CYFIP2: variants seen among roughly 807,000 people sequenced by gnomAD.
CYFIP2 encodes the protein cytoplasmic FMR1 interacting protein 2, also known as cytoplasmic FMR1-interacting protein 2.
In CYFIP2, 29 loss-of-function variants were observed where a neutral mutation model predicts 158.7. The ratio of observed to expected loss-of-function variants is 0.18; its 90% confidence interval spans 0.14 to 0.25. The LOEUF is 0.25. Ranked by LOEUF, CYFIP2 falls within the 10% of genes least tolerant of loss-of-function variation. The pLI, the probability that CYFIP2 is intolerant of heterozygous loss-of-function variation, is 1.00. For missense variants in CYFIP2, 852 were observed against 1,639.5 expected, an observed-to-expected ratio of 0.52 and a Z score of 8.29; for synonymous variants, 585 against 617.6, an observed-to-expected ratio of 0.95 and a Z score of 0.78.
At chr5:157,337,496 C>G (rs1020790767) in intron 21 of CYFIP2, among the ~76,000 whole-genome samples, 35 of 152,338 alleles carry the variant, frequency 2.3e-4, no homozygotes, top group African/African-American at 8.2e-4. Flanking sequence ...CCTGACCTGT[C>G]TGGTCTCTTT....
intron 23 of CYFIP2, among the ~76,000 whole-genome samples, chr5:157,357,553 G>T (rs185283614): frequency 1.8e-4 from 28 of 152,276 alleles, no homozygotes; most frequent in Non-Finnish European, 3.4e-4. Flanking sequence ...TTTGGGCTGG[G>T]TGCAGTGGCT....
intron 30 of CYFIP2, among the ~76,000 whole-genome samples, chr5:157,391,950 A>T (rs1283119021): frequency 4.6e-5 from 7 of 152,140 alleles, no homozygotes; most frequent in African/African-American, 1.2e-4. Flanking sequence ...CTTTAATAAT[A>T]GTCATCCTGA....
intron 2 of CYFIP2, 33 bp downstream of exon 2, chr5:157,285,511 C>G: frequency 6.5e-7 from 1 of 1,538,098 alleles, no homozygotes; most frequent in South Asian, 1.2e-5. Context: ...CCAGGGGGCC[C>G]AGGAATTCTG....
chr5:157,379,684 A>AAAAAAAC (rs1765856175), intron 26 of CYFIP2, among the ~76,000 whole-genome samples: 1 of 150,368 alleles, frequency 6.7e-6, no homozygotes, highest in African/African-American at 2.4e-5. Context: ...AAAAAAAAAA[A>AAAAAAAC]AAAAAAAAAC....
In CYFIP2 at chr5:157,311,824, G is replaced by T; in HGVS notation, c.1110+43G>T. On this transcript the variant is annotated intron_variant, in intron 11 of 30. Transcript: ENST00000620254. This position sits in a 1 kb window ranked among gnomAD's most constrained non-coding sequence, Gnocchi z 4.7. The stretch of plus-strand genomic sequence containing the variant: ...TGGGGCACAGGCCCGTGGGCCCAGG[G>T]CCAGAAGGGGTAAGGAGCAGCCAGG... 2 of 1,518,462 alleles carry T rather than the reference G, an allele frequency of 1.3e-6. No individual in the cohort carries two copies. Among genetic ancestry groups the T allele is most frequent in the Non-Finnish European group, 1.8e-6 (2 of 1,114,960 alleles). The allele number at this position is 1,518,462 out of a possible 1,614,324, so 94.1% of individuals were successfully genotyped here. A position where few individuals can be genotyped will look rare whatever the true frequency, so the allele number is the denominator to read the frequency against.
intron 7 of CYFIP2, chr5:157,303,093 C>T: frequency 3.8e-6 from 2 of 524,174 alleles, no homozygotes; most frequent in South Asian, 2.5e-5. Flanking sequence ...CTCCAGTTGT[C>T]ATGCTCGTGA....
intron 21 of CYFIP2, 74 bp downstream of exon 21, chr5:157,333,520 TAGTC>T: frequency 1.2e-6 from 2 of 1,603,914 alleles, no homozygotes; most frequent in Non-Finnish European, 1.7e-6. Context: ...GGACTGTAGT[TAGTC>T]TAGTGCTGGG....
chr5:157,390,035 G>A (rs1411044310), intron 29 of CYFIP2, among the ~76,000 whole-genome samples: 1 of 152,176 alleles, frequency 6.6e-6, no homozygotes, highest in East Asian at 1.9e-4. Context: ...AGAACCAAAA[G>A]GACTCAGCCT....
intron 26 of CYFIP2, chr5:157,379,904 A>C (rs1277468230): frequency 6.6e-6 from 1 of 152,180 alleles, no homozygotes; most frequent in South Asian, 2.1e-4. Flanking sequence ...GAGTTTCATT[A>C]TTACTCAAAT....
rs1767564204 is a variant in CYFIP2 at position 157,394,136 on chromosome 5, T to C, written c.*1136T>C. 1 of 152,220 alleles carries C rather than the reference T, an allele frequency of 6.6e-6. No individual in the cohort carries two copies. The highest frequency in any genetic ancestry group is 2.1e-4 in the South Asian group (1 of 4,826). 9.4% of individuals were successfully genotyped at this position (152,220 alleles called of 1,614,324 possible). A position where few individuals can be genotyped will look rare whatever the true frequency, so the allele number is the denominator to read the frequency against. ...CTTTTACTCTCAACTTGCTGTTCTC[T>C]TTACATTCCTTAAGTTAGACTTTCG... On this transcript the variant is annotated 3_prime_UTR_variant, in exon 31 of 31. Coordinates refer to ENST00000620254, the MANE Select transcript of CYFIP2 (RefSeq NM_001037333.3).
chr5:157,308,339 C>T (rs1271543490), intron 9 of CYFIP2, among the ~76,000 whole-genome samples: 3 of 152,154 alleles, frequency 2.0e-5, no homozygotes, highest in Admixed American at 2.0e-4. Flanking sequence ...CACCAGGGAC[C>T]ACCTCAGCTT....
At chr5:157,345,898 G>T (rs552797055) in intron 23 of CYFIP2, among the ~76,000 whole-genome samples, 23 of 152,144 alleles carry the variant, frequency 1.5e-4, no homozygotes, top group Non-Finnish European at 3.1e-4. Flanking sequence ...TTTCTCCCCA[G>T]TTGGCTGATT....
intron 22 of CYFIP2, 25 bp downstream of exon 22, chr5:157,339,281 G>A (rs371638826): frequency 6.3e-7 from 1 of 1,599,490 alleles, no homozygotes; most frequent in South Asian, 1.1e-5. Flanking sequence ...GTGCAGAGGG[G>A]GCCGGGTGGG....
chr5:157,357,527 A>G (rs1278903037), intron 23 of CYFIP2, among the ~76,000 whole-genome samples: 1 of 152,234 alleles, frequency 6.6e-6, no homozygotes, highest in Non-Finnish European at 1.5e-5. Context: ...TGGGAGAACT[A>G]CACTCAGAAC....
intron 11 of CYFIP2, among the ~76,000 whole-genome samples, chr5:157,312,688 G>T (rs767509024): frequency 1.3e-5 from 2 of 152,170 alleles, no homozygotes; most frequent in Non-Finnish European, 2.9e-5. Flanking sequence ...TACCTGAAAT[G>T]GGGACTGTCT....
intron 21 of CYFIP2, among the ~76,000 whole-genome samples, chr5:157,335,358 A>C (rs1411695413): frequency 6.6e-6 from 1 of 152,104 alleles, no homozygotes; most frequent in East Asian, 1.9e-4. Context: ...GCTCACTGCA[A>C]CCTCTGCCTC....
chr5:157,352,661 T>C (rs1057144134), intron 23 of CYFIP2, among the ~76,000 whole-genome samples: 1 of 152,252 alleles, frequency 6.6e-6, no homozygotes, highest in Non-Finnish European at 1.5e-5. Context: ...TAAATGGGGA[T>C]ACTTGCACTG....
intron 5 of CYFIP2, among the ~76,000 whole-genome samples, chr5:157,298,829 G>T (rs1274319476): frequency 1.3e-5 from 2 of 152,120 alleles, no homozygotes; most frequent in Non-Finnish European, 2.9e-5. Flanking sequence ...GTGGTCTTTT[G>T]TGTCCATCTG....
intron 26 of CYFIP2, among the ~76,000 whole-genome samples, chr5:157,369,886 T>TG (rs1168954724): frequency 6.7e-6 from 1 of 148,830 alleles, no homozygotes; most frequent in South Asian, 2.2e-4. Context: ...CTAGTTTTTT[T>TG]TTTTTTTTTT....
Sources: allele counts gnomAD v4.1 joint callset (sites outside exome capture counted in the v4.1 genomes callset), GRCh38; gene constraint gnomAD v4.1.1; non-coding constraint Gnocchi (gnomAD v3.1); transcripts MANE v1.5; gene names NCBI Gene and HGNC (gene_info 2026-07-23, HGNC 2026-07-21).